Variants in ARID4B observed in about 807,000 individuals in gnomAD.
ARID4B encodes AT-rich interaction domain 4B, also known as AT-rich interactive domain-containing protein 4B.
Under a neutral mutation model 147.5 loss-of-function variants are expected in ARID4B, and 26 were observed. The observed-to-expected ratio is 0.18, with a 90% CI of 0.13 to 0.24. The LOEUF (loss-of-function observed/expected upper bound fraction) is 0.24. ARID4B is among the 10% of genes least tolerant of loss of function. ARID4B has a pLI of 1.00. For synonymous variants in ARID4B, 512 were observed against 507.9 expected (o/e 1.01, Z -0.11); for missense variants, 1,179 against 1,511.5 (o/e 0.78, Z 3.65).
intron 13 of ARID4B, among the ~76,000 whole-genome samples, chr1:235,222,624 T>G (rs1440500624): frequency 6.6e-6 from 1 of 151,932 alleles, no homozygotes; most frequent in East Asian, 1.9e-4. Flanking sequence ...AAAAGAAGGT[T>G]TATGAAAGAT....
intron 2 of ARID4B, among the ~76,000 whole-genome samples, chr1:235,288,019 T>TTTTAGCATAAGATAAAA (rs1672097917): frequency 6.6e-6 from 1 of 152,178 alleles, no homozygotes; most frequent in Non-Finnish European, 1.5e-5. Context: ...AATAAAACAT[T>TTTTAGCATAAGATAAAA]AATGTGGCTG....
chr1:235,272,135 T>C (rs1671032724), intron 2 of ARID4B, among the ~76,000 whole-genome samples: 1 of 152,172 alleles, frequency 6.6e-6, no homozygotes, highest in African/African-American at 2.4e-5. Flanking sequence ...CAACATGTAT[T>C]AAACACTAAG....
At position 235,257,089 on chromosome 1, in the gene ARID4B, A is replaced by G. The variant is rs1670032459; in HGVS notation, c.183+71T>C. 10 of 1,036,036 alleles carry G rather than the reference A, an allele frequency of 9.7e-6. No homozygotes were observed. The South Asian group carries it at 1.4e-4, about 14-fold the overall frequency. 64.2% of individuals were successfully genotyped at this position (1,036,036 alleles called of 1,614,324 possible). On this transcript the variant is annotated intron_variant, in intron 4 of 23. Transcript: ENST00000264183. ...TATCAACTCAATAACAAAAGAGCCA[A>G]TGAATTAATACCAAGTATGATTATT...
chr1:235,257,528 G>A (rs988025558), intron 3 of ARID4B, among the ~76,000 whole-genome samples: 12 of 150,432 alleles, frequency 8.0e-5, no homozygotes, highest in African/African-American at 2.9e-4. Context: ...TGTCGCCCAG[G>A]TTGGAGTGCA....
At position 235,229,226 on chromosome 1, in the gene ARID4B, C is replaced by A. The variant is rs1668044881; in HGVS notation, c.897+5G>T. 1 of 1,607,546 alleles carries A rather than the reference C, an allele frequency of 6.2e-7. No homozygotes were observed. Among genetic ancestry groups the A allele is most frequent in the Non-Finnish European group, 8.5e-7 (1 of 1,178,006 alleles). On this transcript the variant is annotated splice_donor_5th_base_variant and intron_variant, in intron 11 of 23. Coordinates refer to ENST00000264183, the MANE Select transcript of ARID4B (RefSeq NM_016374.6). Reference sequence around the variant, plus strand: ...TTTTAAAAGGTATCAACTGTTTTCACTTACTTCTTCTTCACTGCTATTATC... The same window carrying A: ...TTTTAAAAGGTATCAACTGTTTTCAATTACTTCTTCTTCACTGCTATTATC...
At chr1:235,179,744 T>C (rs1210623258) in intron 20 of ARID4B, among the ~76,000 whole-genome samples, 1 of 151,770 alleles carries the variant, frequency 6.6e-6, no homozygotes, top group African/African-American at 2.4e-5. Flanking sequence ...TTGTAAGATA[T>C]TACGAACATA....
intron 19 of ARID4B, chr1:235,187,194 G>A: frequency 4.1e-6 from 1 of 245,990 alleles, no homozygotes; most frequent in Non-Finnish European, 7.9e-6. Context: ...TGATTCTCCT[G>A]CCTCAGCCTC....
At chr1:235,280,976 C>A (rs533254812) in intron 2 of ARID4B, among the ~76,000 whole-genome samples, 11 of 151,820 alleles carry the variant, frequency 7.2e-5, no homozygotes, top group African/African-American at 2.7e-4. Context: ...TCCTGAGTAA[C>A]TTCTGATTAT....
intron 18 of ARID4B, among the ~76,000 whole-genome samples, chr1:235,194,815 G>A (rs369999498): frequency 4.4e-4 from 67 of 151,944 alleles, no homozygotes; most frequent in Middle Eastern, 3.4e-3. Flanking sequence ...GTGAAACTCC[G>A]TCTCAAAAAA....
intron 16 of ARID4B, among the ~76,000 whole-genome samples, chr1:235,218,275 A>G (rs1667224985): frequency 6.6e-6 from 1 of 152,220 alleles, no homozygotes; most frequent in South Asian, 2.1e-4. Context: ...GTACATAAAA[A>G]TCCATATAAT....
intron 2 of ARID4B, among the ~76,000 whole-genome samples, chr1:235,319,783 G>C (rs745728527): frequency 5.9e-5 from 9 of 151,996 alleles, no homozygotes; most frequent in Non-Finnish European, 1.3e-4. Flanking sequence ...CTTAAGGTCA[G>C]GAGTTCAGAA....
At chr1:235,224,661 G>C in intron 12 of ARID4B, 42 bp downstream of exon 12, 22 of 1,329,160 alleles carry the variant, frequency 1.7e-5, no homozygotes, top group Non-Finnish European at 2.4e-5. Flanking sequence ...CTAATTATCT[G>C]TCCAAAACTT....
At chr1:235,304,980 C>T (rs1572201245) in intron 2 of ARID4B, among the ~76,000 whole-genome samples, 1 of 152,182 alleles carries the variant, frequency 6.6e-6, no homozygotes, top group African/African-American at 2.4e-5. Flanking sequence ...AAAATGACCA[C>T]ATCCGAATCT....
chr1:235,261,370 A>T (rs1190989949), intron 2 of ARID4B, among the ~76,000 whole-genome samples: 1 of 152,156 alleles, frequency 6.6e-6, no homozygotes, highest in Non-Finnish European at 1.5e-5. Context: ...ATAAAAAAAT[A>T]AAAACTGGCT....
At chr1:235,255,774 G>A (rs772590270) in intron 4 of ARID4B, 24 bp from the exon 5 acceptor site, 1 of 1,551,710 alleles carries the variant, frequency 6.4e-7, no homozygotes, top group Admixed American at 1.9e-5. Flanking sequence ...AAACATGTTA[G>A]AAAAACTTTT....
At chr1:235,210,878 ATTCT>A (rs67502516) in intron 17 of ARID4B, among the ~76,000 whole-genome samples, 43,487 of 151,926 alleles carry the variant, frequency 0.29, 7,483 homozygotes, top group South Asian at 0.53. Flanking sequence ...ATTACTAGAG[ATTCT>A]TTCTACCATC....
At chr1:235,257,276 G>T in intron 3 of ARID4B, 51 bp from the exon 4 acceptor site, 1 of 1,132,358 alleles carries the variant, frequency 8.8e-7, no homozygotes, top group Non-Finnish European at 1.3e-6. Flanking sequence ...AGCAACACAA[G>T]CTCATCAATG....
rs1669302700 is a variant in ARID4B, at chr1:235,246,426, T to A, written c.440A>T (p.Asn147Ile). ...GKKTNRGRRS[N>I]HIPEEESSSS... ...GTCATGAAAATGGACTTACATATGA[T>A]TAGATCTTCTTCCTCTATTTGTTTT... Residue 147 changes from asparagine (N) to isoleucine (I), a missense_variant, in exon 7 of 24, where the codon AAT becomes ATT. Around this residue, in one of 10 missense-constraint regions of ARID4B, gnomAD observed 159 missense variants for 190.5 expected, o/e 0.83. Transcript: ENST00000264183. 1 of 1,602,786 alleles carries A rather than the reference T, an allele frequency of 6.2e-7. No homozygotes were observed. The highest frequency in any genetic ancestry group is 1.7e-5 in the Admixed American group (1 of 59,994).
intron 6 of ARID4B, among the ~76,000 whole-genome samples, chr1:235,247,689 T>C (rs1401321972): frequency 6.6e-6 from 1 of 152,136 alleles, no homozygotes; most frequent in Admixed American, 6.5e-5. Flanking sequence ...AAATCAGGCA[T>C]TTAAAAAATA....
Sources: allele counts gnomAD v4.1 joint callset (sites outside exome capture counted in the v4.1 genomes callset), GRCh38; gene constraint gnomAD v4.1.1; regional missense constraint gnomAD v4.1.1; transcripts MANE v1.5; gene names NCBI Gene and HGNC (gene_info 2026-07-23, HGNC 2026-07-21).